EDIL3: variants seen among roughly 807,000 people sequenced by gnomAD.
EDIL3 encodes the protein EGF like and discoidin domains 3.
EDIL3 carries 37 observed loss-of-function variants against 67.4 expected under a neutral mutation model. The observed-to-expected ratio is 0.55, with a 90% CI of 0.42 to 0.72. The LOEUF is 0.72. Among genes scored for constraint, EDIL3 ranks in the 30% least tolerant of loss-of-function variants. The pLI is 0.00. For synonymous variants in EDIL3, 195 were observed against 196.3 expected, an observed-to-expected ratio of 0.99 and a Z score of 0.05; for missense variants, 527 against 586.3, an observed-to-expected ratio of 0.90 and a Z score of 1.04.
chr5:84,079,565 C>T (rs114840179), intron 6 of EDIL3, among the ~76,000 whole-genome samples: 1,526 of 151,718 alleles, frequency 0.01, 31 homozygotes, highest in African/African-American at 0.035. Context: ...TTTTCTATCT[C>T]AAACAAGTAT....
At chr5:84,121,704 T>C (rs1455220047) in intron 5 of EDIL3, among the ~76,000 whole-genome samples, 1 of 152,004 alleles carries the variant, frequency 6.6e-6, no homozygotes, top group African/African-American at 2.4e-5. Flanking sequence ...TAGATGACAG[T>C]GTAGGAAGTA....
At position 84,384,336 on chromosome 5, in the gene EDIL3, G is replaced by C. The variant is rs764602242; in HGVS notation, c.39C>G (p.Leu13=). The part of the protein sequence containing the change: ...RSVAVWLLVG[L]SLGVPQFGKG... Reference sequence around the variant, plus strand: ...TGCCGAACTGGGGGACACCGAGGCTGAGCCCGACCAAGAGCCAGACGGCTA... The same window carrying C: ...TGCCGAACTGGGGGACACCGAGGCTCAGCCCGACCAAGAGCCAGACGGCTA... The change falls in exon 1 of 11, where the codon CTC becomes CTG. Residue 13 remains leucine, a synonymous_variant. Transcript: ENST00000296591. The C allele has an allele frequency of 6.2e-7, 1 of 1,612,172 alleles. No individual in the cohort carries two copies. Among genetic ancestry groups the C allele is most frequent in the Non-Finnish European group, 8.5e-7 (1 of 1,179,236 alleles).
intron 4 of EDIL3, among the ~76,000 whole-genome samples, chr5:84,141,223 A>G (rs1748182821): frequency 6.6e-6 from 1 of 151,500 alleles, no homozygotes; most frequent in Admixed American, 6.6e-5. Flanking sequence ...ATTTGGTCAG[A>G]TTTATAGTTT....
intron 9 of EDIL3, among the ~76,000 whole-genome samples, chr5:84,000,342 C>T (rs1029365650): frequency 6.6e-6 from 1 of 151,968 alleles, no homozygotes; most frequent in African/African-American, 2.4e-5. Context: ...TACCTATGAC[C>T]ACTTTTAAAG....
At chr5:84,022,512 T>C (rs1192311019) in intron 9 of EDIL3, among the ~76,000 whole-genome samples, 3 of 151,934 alleles carry the variant, frequency 2.0e-5, no homozygotes, top group Admixed American at 2.0e-4. Context: ...TTAGAACTGA[T>C]AAACAATTTC....
intron 2 of EDIL3, among the ~76,000 whole-genome samples, chr5:84,236,148 G>T (rs78423895): frequency 6.2e-4 from 94 of 152,038 alleles, no homozygotes; most frequent in African/African-American, 2.2e-3. Context: ...TAACAAAAAA[G>T]AATGCAAGCT....
At chr5:84,151,546 G>A (rs1748391862) in intron 4 of EDIL3, among the ~76,000 whole-genome samples, 1 of 152,098 alleles carries the variant, frequency 6.6e-6, no homozygotes, top group African/African-American at 2.4e-5. Context: ...TACTTTGCAG[G>A]TTGTTTCCAC....
intron 3 of EDIL3, among the ~76,000 whole-genome samples, chr5:84,222,901 G>A (rs1412089882): frequency 6.6e-6 from 1 of 151,684 alleles, no homozygotes; most frequent in Non-Finnish European, 1.5e-5. Flanking sequence ...ATTTATGGTT[G>A]GCAAATATCT....
intron 9 of EDIL3, among the ~76,000 whole-genome samples, chr5:84,055,644 C>T (rs1335920424): frequency 6.6e-6 from 1 of 152,040 alleles, no homozygotes; most frequent in East Asian, 1.9e-4. Context: ...AAAAAGTGGG[C>T]AAAGGATATG....
intron 1 of EDIL3, among the ~76,000 whole-genome samples, chr5:84,256,160 T>A (rs1301619810): frequency 8.1e-6 from 1 of 123,382 alleles, no homozygotes; most frequent in South Asian, 2.5e-4. Context: ...TCTATCTATC[T>A]ATCCATTTAT....
At chr5:84,007,852 A>G (rs986188410) in intron 9 of EDIL3, among the ~76,000 whole-genome samples, 3 of 152,206 alleles carry the variant, frequency 2.0e-5, no homozygotes, top group African/African-American at 4.8e-5. Flanking sequence ...AGTATTATTC[A>G]CAAGAGCCAA....
At chr5:84,046,533 CA>C (rs1429304668) in intron 9 of EDIL3, among the ~76,000 whole-genome samples, 1 of 152,172 alleles carries the variant, frequency 6.6e-6, no homozygotes, top group Non-Finnish European at 1.5e-5. Flanking sequence ...CATTATAAAG[CA>C]AACATAACTT....
chr5:84,262,659 G>GCTTTTT (rs1745250285), intron 1 of EDIL3, among the ~76,000 whole-genome samples: 1 of 46,310 alleles, frequency 2.2e-5, no homozygotes, highest in Non-Finnish European at 3.6e-5. Flanking sequence ...AGGTTGGTTG[G>GCTTTTT]TTTTTTTTTT....
chr5:84,250,170 A>T (rs747537198), intron 2 of EDIL3, among the ~76,000 whole-genome samples: 6 of 152,194 alleles, frequency 3.9e-5, no homozygotes, highest in Admixed American at 6.5e-5. Flanking sequence ...GAATTCAAGA[A>T]TTTAAAACAA....
chr5:84,313,030 T>C (rs1422685864), intron 1 of EDIL3, among the ~76,000 whole-genome samples: 1 of 152,234 alleles, frequency 6.6e-6, no homozygotes, highest in Non-Finnish European at 1.5e-5. Context: ...CATAAAATTA[T>C]GTAAGTTACT....
intron 4 of EDIL3, among the ~76,000 whole-genome samples, chr5:84,152,069 G>A (rs760997343): frequency 4.3e-4 from 65 of 151,918 alleles, no homozygotes; most frequent in Non-Finnish European, 3.2e-4. Flanking sequence ...ACAAGCATGA[G>A]CCACCATGCC....
intron 1 of EDIL3, among the ~76,000 whole-genome samples, chr5:84,257,975 AC>A (rs1745151517): frequency 6.6e-6 from 1 of 152,148 alleles, no homozygotes; most frequent in South Asian, 2.1e-4. Context: ...AGTTTATTAA[AC>A]TGTGGTCTAC....
chr5:84,365,915 T>C (rs948068956), intron 1 of EDIL3, among the ~76,000 whole-genome samples: 1 of 152,168 alleles, frequency 6.6e-6, no homozygotes. Flanking sequence ...AGATTGCTAT[T>C]GCTTTATCCA....
chr5:84,383,920 C>T (rs886388942), intron 1 of EDIL3, among the ~76,000 whole-genome samples: 2 of 152,286 alleles, frequency 1.3e-5, no homozygotes, highest in East Asian at 3.9e-4. Flanking sequence ...GCTTCCCCCG[C>T]TCCCGCCCGC....
Sources: allele counts gnomAD v4.1 joint callset (sites outside exome capture counted in the v4.1 genomes callset), GRCh38; gene constraint gnomAD v4.1.1; transcripts MANE v1.5; gene names NCBI Gene and HGNC (gene_info 2026-07-23, HGNC 2026-07-21).